The following MYO16 variants were observed in gnomAD, a reference collection of about 807,000 sequenced individuals.
MYO16 encodes unconventional myosin-XVI.
Under a neutral mutation model 205.3 loss-of-function variants are expected in MYO16, and 94 were observed. The ratio of observed to expected loss-of-function variants is 0.46; its 90% CI spans 0.39 to 0.54. The LOEUF (loss-of-function observed/expected upper bound fraction) is 0.54, where lower values mean the gene tolerates loss of function less well. Among genes scored for constraint, MYO16 ranks in the 20% least tolerant of loss-of-function variants. The pLI, the probability that MYO16 is intolerant of heterozygous loss-of-function variation, is 0.00. For missense variants in MYO16, 2,315 were observed against 2,387.5 expected, an observed-to-expected ratio of 0.97 and a Z score of 0.63; for synonymous variants, 988 against 954.0, an observed-to-expected ratio of 1.04 and a Z score of -0.66.
intron 11 of MYO16, among the ~76,000 whole-genome samples, chr13:108,857,275 G>A (rs1188137142): frequency 6.6e-6 from 1 of 152,156 alleles, no homozygotes; most frequent in Non-Finnish European, 1.5e-5. Context: ...TAACTCATTG[G>A]TAGTTTGTTA....
Position 109,141,158 on chromosome 13 carries a change from G to C in MYO16, c.4946G>C (p.Gly1649Ala). The change falls in exon 32 of 35, where the codon GGG becomes GCG. Residue 1649 changes from glycine to alanine, a missense_variant. Around this residue, in one of 3 missense-constraint regions of MYO16, gnomAD observed 1,097 missense variants for 1,092.0 expected, o/e 1.00. Transcript: ENST00000457511. The surrounding 1 kb of genome is among the most constrained non-coding windows in gnomAD (Gnocchi z 4.1). ...AAGCCAAACTCTGCCCCCGTGGCCG[G>C]GCCCTGCAGCTCCTTCCCCAAGATC... ...HPKPNSAPVAGPCSSFPKIPY... is the reference protein window; with the variant it reads ...HPKPNSAPVAAPCSSFPKIPY... 3 of 1,605,372 alleles carry C rather than the reference G, an allele frequency of 1.9e-6. No individual in the cohort carries two copies. Among genetic ancestry groups the C allele is most frequent in the Non-Finnish European group, 2.6e-6 (3 of 1,175,920 alleles).
At position 108,957,753 on chromosome 13, in the gene MYO16, T is replaced by C. The variant is rs754343893; in HGVS notation, c.1991T>C (p.Leu664Ser). The C allele has an allele frequency of 3.3e-5, 53 of 1,613,810 alleles. No individual in the cohort carries two copies. The highest frequency in any genetic ancestry group is 5.1e-6 in the Non-Finnish European group (6 of 1,179,836). The change falls in exon 17 of 35, where the codon TTG (leucine) becomes TCG (serine). Residue 664 changes from leucine (L) to serine (S), a missense_variant. By Grantham distance (145) the Leu-to-Ser change is moderately radical. Coordinates refer to ENST00000457511, the MANE Select transcript of MYO16 (RefSeq NM_001198950.3). ...TGERSLNREK[L>S]AVLKRALNVV... ...GAGCGTTCTCTGAACAGGGAGAAAT[T>C]GGCTGTTTTGAAACGAGCCCTGAAT...
chr13:109,112,756 A>G (rs9521178), intron 28 of MYO16, among the ~76,000 whole-genome samples: 70,901 of 152,068 alleles, frequency 0.47, 17,582 homozygotes, highest in Non-Finnish European at 0.56. Context: ...AAAAAAAAAT[A>G]ATTTTTGTAG....
rs1395550190 is a variant in MYO16 at position 109,134,063 on chromosome 13, C to T, written c.4052-6201C>T. Among the ~76,000 whole-genome samples the T allele has an allele frequency of 3.3e-5, 5 of 152,128 alleles. 1 individual carries two copies. The highest frequency in any genetic ancestry group is 1.3e-4 in the Admixed American group (2 of 15,278). ...TCACAGTAAGTTTCTGGTTGTGTAGCGGTGATAATGTCGATCATGATGGAT... is the reference window on the plus strand; with the variant it reads ...TCACAGTAAGTTTCTGGTTGTGTAGTGGTGATAATGTCGATCATGATGGAT... On this transcript the variant is annotated intron_variant, in intron 31 of 34. Coordinates refer to ENST00000457511, the MANE Select transcript of MYO16 (RefSeq NM_001198950.3).
At chr13:108,688,719 T>C (rs12430477) in intron 2 of MYO16, among the ~76,000 whole-genome samples, 6,319 of 152,300 alleles carry the variant, frequency 0.041, 190 homozygotes, top group South Asian at 0.12. Context: ...CAGGTGGGCA[T>C]TTGAAGGGCC....
At chr13:109,109,944 AACCATGGT>A (rs1566510603) in intron 28 of MYO16, among the ~76,000 whole-genome samples, 1 of 152,232 alleles carries the variant, frequency 6.6e-6, no homozygotes, top group Non-Finnish European at 1.5e-5. Flanking sequence ...CAGGATAAAA[AACCATGGT>A]ATCATGTTTT....
chr13:108,943,422 T>C (rs1882809240), intron 16 of MYO16, among the ~76,000 whole-genome samples: 2 of 152,334 alleles, frequency 1.3e-5, no homozygotes, highest in Admixed American at 1.3e-4. Flanking sequence ...TCAACATTTT[T>C]AAAATGTCAA....
At chr13:109,180,312 G>A in intron 34 of MYO16, among the ~76,000 whole-genome samples, 1 of 152,216 alleles carries the variant, frequency 6.6e-6, no homozygotes, top group South Asian at 2.1e-4. Flanking sequence ...AGAATGTACT[G>A]TTTTATTTTC....
intron 24 of MYO16, among the ~76,000 whole-genome samples, chr13:109,049,821 T>A (rs1253906158): frequency 6.6e-6 from 1 of 152,104 alleles, no homozygotes; most frequent in East Asian, 1.9e-4. Context: ...TACTCCCAGG[T>A]ATCCTCTTCC....
intron 1 of MYO16, among the ~76,000 whole-genome samples, chr13:108,644,410 A>G (rs1880657082): frequency 7.8e-6 from 1 of 127,440 alleles, no homozygotes; most frequent in South Asian, 2.5e-4. Context: ...CTATCTATCT[A>G]TCTATCATCT....
intron 33 of MYO16, among the ~76,000 whole-genome samples, chr13:109,173,121 A>G (rs1433937250): frequency 3.3e-5 from 5 of 152,166 alleles, no homozygotes; most frequent in Non-Finnish European, 1.5e-5. Flanking sequence ...GGCAAGAGGA[A>G]ACCCAGTGAA....
At chr13:108,866,414 A>C (rs770908396) in intron 12 of MYO16, among the ~76,000 whole-genome samples, 172 bp downstream of exon 12, 2 of 152,230 alleles carry the variant, frequency 1.3e-5, no homozygotes, top group Non-Finnish European at 2.9e-5. Flanking sequence ...AACCTTGAAA[A>C]TCGAAGTTAT....
chr13:108,539,113 C>T, the MYO16 span, among the ~76,000 whole-genome samples: 4 of 152,114 alleles, frequency 2.6e-5, no homozygotes, highest in South Asian at 2.1e-4. Context: ...TGTTATTTAT[C>T]GGAAAAAATT....
At chr13:108,630,875 C>T (rs571707682) in intron 1 of MYO16, among the ~76,000 whole-genome samples, 3 of 152,096 alleles carry the variant, frequency 2.0e-5, no homozygotes, top group Admixed American at 1.3e-4. Flanking sequence ...AGAATGTATA[C>T]AGGAATTAAA....
chr13:108,839,150 T>C (rs534240066), intron 9 of MYO16, among the ~76,000 whole-genome samples: 2 of 152,210 alleles, frequency 1.3e-5, no homozygotes, highest in Admixed American at 6.5e-5. Flanking sequence ...TATCTCATGA[T>C]GAGGGGCTCA....
intron 29 of MYO16, among the ~76,000 whole-genome samples, chr13:109,122,686 C>CA (rs34459718): frequency 0.18 from 18,016 of 98,892 alleles, 1,263 homozygotes; most frequent in Non-Finnish European, 0.21. Context: ...AACTCTGTCT[C>CA]AAAAAAAAAA....
chr13:109,070,797 T>C (rs149821419), intron 27 of MYO16, among the ~76,000 whole-genome samples: 1 of 152,340 alleles, frequency 6.6e-6, no homozygotes, highest in East Asian at 1.9e-4. Flanking sequence ...TTCTTTGTAA[T>C]ATTCCTAAGG....
At chr13:108,734,812 G>A (rs1467952575) in intron 4 of MYO16, among the ~76,000 whole-genome samples, 1 of 152,218 alleles carries the variant, frequency 6.6e-6, no homozygotes, top group African/African-American at 2.4e-5. Context: ...CATGGTGTGG[G>A]CAGGGCCTCT....
chr13:108,950,690 C>G, intron 16 of MYO16, among the ~76,000 whole-genome samples: 1 of 152,310 alleles, frequency 6.6e-6, no homozygotes, highest in East Asian at 1.9e-4. Context: ...TATTGCACTT[C>G]TCAGCATCCG....
Sources: allele counts gnomAD v4.1 joint callset (sites outside exome capture counted in the v4.1 genomes callset), GRCh38; gene constraint gnomAD v4.1.1; regional missense constraint gnomAD v4.1.1; non-coding constraint Gnocchi (gnomAD v3.1); transcripts MANE v1.5; gene names NCBI Gene and HGNC (gene_info 2026-07-23, HGNC 2026-07-21).